Variants in HMX1 observed in about 807,000 individuals in gnomAD.
HMX1 encodes the protein homeobox protein HMX1.
In HMX1, 8 loss-of-function variants were observed where a neutral mutation model predicts 8.9. The observed-to-expected ratio is 0.90, with a 90% CI of 0.53 to 1.63. The LOEUF (loss-of-function observed/expected upper bound fraction) is 1.63. Ranked by LOEUF, HMX1 falls within the 40% of genes most tolerant of loss-of-function variation. HMX1 has a pLI of 0.00. For missense variants in HMX1, 621 were observed against 558.5 expected (o/e 1.11, Z -1.13); for synonymous variants, 311 against 283.4 (o/e 1.10, Z -0.98).
downstream of HMX1, among the ~76,000 whole-genome samples, chr4:8,866,625 GCCTGA>G (rs1318159155): frequency 6.6e-6 from 1 of 152,210 alleles, no homozygotes; most frequent in African/African-American, 2.4e-5. Flanking sequence ...GAGCACGGTG[GCCTGA>G]CCTTGAGTGC....
Position 8,867,526 on chromosome 4 carries a change from C to G in HMX1, c.*167G>C, listed in dbSNP as rs1722042358. On this transcript the variant is annotated 3_prime_UTR_variant, in exon 2 of 2. Coordinates refer to ENST00000400677, the MANE Select transcript of HMX1 (RefSeq NM_018942.3). Reference sequence around the variant, plus strand: ...CCCATTACATTCTAGAGGCGCTCCCCACAGAAGCTGAGGCCCGCCCGGCCG... The same window carrying G: ...CCCATTACATTCTAGAGGCGCTCCCGACAGAAGCTGAGGCCCGCCCGGCCG... The G allele has an allele frequency of 8.4e-7, 1 of 1,188,818 alleles. No individual in the cohort carries two copies. The highest frequency in any genetic ancestry group is 1.0e-6 in the Non-Finnish European group (1 of 960,698). The allele number at this position is 1,188,818 out of a possible 1,614,324, so 73.6% of individuals were successfully genotyped here. A position where few individuals can be genotyped will look rare whatever the true frequency, so the allele number is the denominator to read the frequency against.
intron 1 of HMX1, among the ~76,000 whole-genome samples, chr4:8,850,383 G>A (rs564252177): frequency 4.4e-4 from 67 of 152,120 alleles, no homozygotes; most frequent in Non-Finnish European, 8.7e-4. Flanking sequence ...CATCCCCACC[G>A]CCCCGGTCTC....
In HMX1 at chr4:8,870,616, G is replaced by A. The variant is rs1238113730; in HGVS notation, c.394+605C>T. 1.3e-5 allele frequency among the ~76,000 whole-genome samples: 2 copies of A among 152,112 alleles called. No homozygotes were observed. The highest frequency in any genetic ancestry group is 4.8e-5 in the African/African-American group (2 of 41,438). On this transcript the variant is annotated intron_variant, in intron 1 of 1. Coordinates refer to ENST00000400677, the MANE Select transcript of HMX1 (RefSeq NM_018942.3). The surrounding 1 kb of genome is among the most constrained non-coding windows in gnomAD (Gnocchi z 4.4). The stretch of plus-strand genomic sequence containing the variant: ...GCACAGAGGAAACAGGACTCTGGGG[G>A]GGCACAGCTGCCATGTTAGATGGCT...
rs569213460 is a variant in HMX1 at position 8,859,976 on chromosome 4, C to T, written c.394+11245G>A. Among the ~76,000 whole-genome samples, 42 of 152,336 alleles carry T rather than the reference C, an allele frequency of 2.8e-4. No individual in the cohort carries two copies. In the South Asian group the frequency reaches 8.5e-3, roughly 31 times the overall value. On this transcript the variant is annotated intron_variant, in intron 1 of 1. Transcript: ENST00000506970. ...GTTGGGAGCAAGGAGGCACAACTGCCCGTGGTGGGAGTGGAGGGCTTAGGT... is the reference window on the plus strand; with the variant it reads ...GTTGGGAGCAAGGAGGCACAACTGCTCGTGGTGGGAGTGGAGGGCTTAGGT...
downstream of HMX1, among the ~76,000 whole-genome samples, chr4:8,863,137 T>C (rs1721884270): frequency 6.6e-6 from 1 of 152,224 alleles, no homozygotes; most frequent in East Asian, 1.9e-4. Context: ...GTATGAAGCA[T>C]ATGAGTGCAC....
exon 2 of HMX1, chr4:8,846,210 G>C: frequency 6.7e-7 from 1 of 1,491,292 alleles, no homozygotes; most frequent in Non-Finnish European, 9.0e-7. Flanking sequence ...AGTCCCTGCG[G>C]CCTCCTCCGC....
chr4:8,871,164 C>G lies in HMX1; in HGVS notation c.394+57G>C. 7.5e-7 allele frequency: 1 copy of G among 1,325,046 alleles called. No individual in the cohort carries two copies. The highest frequency in any genetic ancestry group is 9.7e-7 in the Non-Finnish European group (1 of 1,033,770). The allele number at this position is 1,325,046 out of a possible 1,614,324, so 82.1% of individuals were successfully genotyped here. On this transcript the variant is annotated intron_variant, in intron 1 of 1. Transcript: ENST00000400677. This position sits in a 1 kb window ranked among gnomAD's most constrained non-coding sequence, Gnocchi z 4.8. ...CGAGCCCGAAGTCCCCCAGCAAATG[C>G]GCAGGGAGGAAGTCGGGCCCCACCG...
rs1464667112 is a variant in HMX1, at chr4:8,871,659, G to A, written c.-45C>T. The A allele has an allele frequency of 1.4e-5, 16 of 1,180,376 alleles. No homozygotes were observed. The Admixed American group carries it at 6.5e-4, about 48-fold the overall frequency. 73.1% of individuals were successfully genotyped at this position (1,180,376 alleles called of 1,614,324 possible). The stretch of plus-strand genomic sequence containing the variant: ...GGCTCGGCCGGGCTCCTCGGTCCCC[G>A]CTGGGGATGGTGGCGCGCGGCTCCC... On this transcript the variant is annotated 5_prime_UTR_variant, in exon 1 of 2. Coordinates refer to ENST00000400677, the MANE Select transcript of HMX1 (RefSeq NM_018942.3). This position sits in a 1 kb window ranked among gnomAD's most constrained non-coding sequence, Gnocchi z 4.8.
chr4:8,859,765 G>C (rs1181619232), intron 1 of HMX1, among the ~76,000 whole-genome samples: 2 of 152,194 alleles, frequency 1.3e-5, no homozygotes, highest in African/African-American at 2.4e-5. Flanking sequence ...CCGCCCCTTC[G>C]TCATCGTGGG....
intron 1 of HMX1, among the ~76,000 whole-genome samples, chr4:8,861,783 C>CATCCT (rs1261988942): frequency 6.6e-6 from 1 of 152,232 alleles, no homozygotes; most frequent in South Asian, 2.1e-4. Flanking sequence ...TCAAGGCGCC[C>CATCCT]ATCCTCTTGA....
chr4:8,846,641 C>A (rs774839504), intron 1 of HMX1, among the ~76,000 whole-genome samples: 4 of 152,196 alleles, frequency 2.6e-5, no homozygotes, highest in African/African-American at 9.6e-5. Context: ...GAGTCCTGAG[C>A]AGGCCTCCTG....
intron 1 of HMX1, among the ~76,000 whole-genome samples, chr4:8,860,235 C>T (rs993444152): frequency 2.0e-5 from 3 of 152,210 alleles, no homozygotes; most frequent in African/African-American, 2.4e-5. Context: ...TTCCTATACC[C>T]GGGGCCAAAA....
intron 1 of HMX1, among the ~76,000 whole-genome samples, chr4:8,860,014 C>T (rs1721743069): frequency 6.6e-6 from 1 of 152,250 alleles, no homozygotes; most frequent in Non-Finnish European, 1.5e-5. Flanking sequence ...CCATTAGAAC[C>T]GGCAGAGCCC....
downstream of HMX1, among the ~76,000 whole-genome samples, chr4:8,866,528 C>G (rs2109471056): frequency 6.6e-6 from 1 of 152,370 alleles, no homozygotes; most frequent in African/African-American, 2.4e-5. Context: ...CCCATCATCA[C>G]CGGCCGTGAA....
chr4:8,868,215 G>C lies in HMX1; in HGVS notation c.525C>G (p.Gly175=). 1 of 1,448,042 alleles carries C rather than the reference G, an allele frequency of 6.9e-7. No individual in the cohort carries two copies. Among genetic ancestry groups the C allele is most frequent in the East Asian group, 3.0e-5 (1 of 33,452 alleles). The allele number at this position is 1,448,042 out of a possible 1,614,324, so 89.7% of individuals were successfully genotyped here. Residue 175 remains glycine (G), a synonymous_variant, in exon 2 of 2, where the codon GGC becomes GGG. Coordinates refer to ENST00000400677, the MANE Select transcript of HMX1 (RefSeq NM_018942.3). The surrounding 1 kb of genome is among the most constrained non-coding windows in gnomAD (Gnocchi z 4.6). The stretch of plus-strand genomic sequence containing the variant: ...CGGCCAGCTCCGACGCCTCCTCCGT[G>C]CCGGCCGCCGGGCCACGCGCCGCCA... ...AELAARGPAA[G]TEEASELAEV...
In HMX1 at chr4:8,847,265, C is replaced by G. The variant is rs1577189967; in HGVS notation, c.395-941G>C. On this transcript the variant is annotated intron_variant, in intron 1 of 1. Coordinates refer to the HMX1 transcript ENST00000506970. The surrounding 1 kb of genome is among the most constrained non-coding windows in gnomAD (Gnocchi z 6.0). ...CCTGAGTAACGTAGCAAGACTCTGT[C>G]TTTAAAAATTAAAAAAAATAATAAT... is the stretch of plus-strand genomic sequence containing the variant. 6.6e-6 allele frequency among the ~76,000 whole-genome samples: 1 copy of G among 152,100 alleles called. No homozygotes were observed. The highest frequency in any genetic ancestry group is 1.9e-4 in the East Asian group (1 of 5,198).
chr4:8,869,884 G>C (rs1029573205), intron 1 of HMX1, among the ~76,000 whole-genome samples: 2 of 152,152 alleles, frequency 1.3e-5, no homozygotes, highest in Non-Finnish European at 2.9e-5. Context: ...GGGATGAGTG[G>C]AGAACAAATT....
At position 8,853,620 on chromosome 4, in the gene HMX1, G is replaced by A. The variant is rs558312349; in HGVS notation, c.395-7296C>T. ...TAATCCCAGCACTTTGGCAGGCCAA[G>A]GCGGGCGGATCACCTGAGGTCAGGA... On this transcript the variant is annotated intron_variant, in intron 1 of 1. Transcript: ENST00000506970. The surrounding 1 kb of genome is among the most constrained non-coding windows in gnomAD (Gnocchi z 4.7). Among the ~76,000 whole-genome samples the A allele has an allele frequency of 1.3e-5, 2 of 152,350 alleles. No individual in the cohort carries two copies. Among genetic ancestry groups the A allele is most frequent in the Non-Finnish European group, 2.9e-5 (2 of 68,038 alleles).
chr4:8,850,306 G>C (rs563551432), intron 1 of HMX1, among the ~76,000 whole-genome samples: 18 of 152,298 alleles, frequency 1.2e-4, no homozygotes, highest in South Asian at 1.0e-3. Context: ...GGGAGTCCCA[G>C]GCACCACCTT....
Sources: allele counts gnomAD v4.1 joint callset (sites outside exome capture counted in the v4.1 genomes callset), GRCh38; gene constraint gnomAD v4.1.1; non-coding constraint Gnocchi (gnomAD v3.1); transcripts MANE v1.5; gene names NCBI Gene and HGNC (gene_info 2026-07-23, HGNC 2026-07-21).